Variants in TRHDE observed in about 807,000 individuals in gnomAD.
TRHDE encodes the protein thyrotropin releasing hormone degrading enzyme.
Under a neutral mutation model 125.7 loss-of-function variants are expected in TRHDE, and 72 were observed. The observed-to-expected ratio is 0.57, with a 90% CI of 0.47 to 0.70. The LOEUF (loss-of-function observed/expected upper bound fraction) is 0.70. Ranked by LOEUF, TRHDE falls within the 30% of genes least tolerant of loss-of-function variation. The pLI is 0.00. For missense variants in TRHDE, 1,110 were observed against 1,327.1 expected (o/e 0.84, Z 2.54); for synonymous variants, 509 against 509.1 (o/e 1.00, Z 0.00).
intron 12 of TRHDE, among the ~76,000 whole-genome samples, chr12:72,591,105 G>A (rs1391631508): frequency 3.3e-5 from 5 of 152,138 alleles, no homozygotes; most frequent in Admixed American, 6.5e-5. Flanking sequence ...CAGGGAAGCT[G>A]CTCTTTTTAA....
chr12:72,655,932 C>T (rs1229330939), intron 17 of TRHDE, among the ~76,000 whole-genome samples: 1 of 152,078 alleles, frequency 6.6e-6, no homozygotes, highest in Non-Finnish European at 1.5e-5. Context: ...TCAACCTTCT[C>T]ATTTTATAGA....
chr12:72,538,511 T>C (rs1400115138), intron 6 of TRHDE, among the ~76,000 whole-genome samples: 6 of 151,984 alleles, frequency 3.9e-5, no homozygotes, highest in Non-Finnish European at 5.9e-5. Context: ...CTGTTTTCTA[T>C]TTTTCTTACT....
chr12:72,345,830 C>T (rs919596375), intron 2 of TRHDE, among the ~76,000 whole-genome samples: 1 of 151,878 alleles, frequency 6.6e-6, no homozygotes, highest in African/African-American at 2.4e-5. Context: ...GACCCTGTTT[C>T]CTCACAGAAA....
intron 1 of TRHDE, among the ~76,000 whole-genome samples, chr12:72,285,155 A>G (rs1489593534): frequency 6.6e-6 from 1 of 152,210 alleles, no homozygotes; most frequent in East Asian, 1.9e-4. Context: ...TTTATACCTC[A>G]TGCTTTGAGC....
chr12:72,660,569 C>G (rs1874877404), intron 18 of TRHDE, among the ~76,000 whole-genome samples: 1 of 152,162 alleles, frequency 6.6e-6, no homozygotes, highest in Non-Finnish European at 1.5e-5. Flanking sequence ...AATGTCCCTT[C>G]AGCACCTGAC....
intron 3 of TRHDE, among the ~76,000 whole-genome samples, chr12:72,415,619 CAT>C (rs776609186): frequency 4.0e-5 from 6 of 151,486 alleles, no homozygotes; most frequent in Non-Finnish European, 8.8e-5. Flanking sequence ...TTGGCTCCCA[CAT>C]ATGAGTGAGA....
chr12:72,449,912 C>A (rs990731019), intron 3 of TRHDE, among the ~76,000 whole-genome samples: 1 of 151,920 alleles, frequency 6.6e-6, no homozygotes, highest in African/African-American at 2.4e-5. Context: ...TTTTCTCCTT[C>A]TAGTTTCCTG....
chr12:72,662,975 G>A (rs1484797340), intron 18 of TRHDE, 77 bp from the exon 19 acceptor site: 13 of 1,423,122 alleles, frequency 9.1e-6, no homozygotes, highest in Non-Finnish European at 1.2e-5. Context: ...GTTTCAAATA[G>A]ATTCTTGTTC....
intron 12 of TRHDE, among the ~76,000 whole-genome samples, chr12:72,576,969 A>G (rs1450857645): frequency 6.6e-6 from 1 of 152,160 alleles, no homozygotes; most frequent in Non-Finnish European, 1.5e-5. Context: ...AAAAATTTAG[A>G]AATAATAGAG....
intron 7 of TRHDE, among the ~76,000 whole-genome samples, chr12:72,548,462 T>C (rs1007793907): frequency 6.6e-6 from 1 of 151,808 alleles, no homozygotes; most frequent in Non-Finnish European, 1.5e-5. Flanking sequence ...AAAATATTCA[T>C]TTGATCAATA....
intron 1 of TRHDE, among the ~76,000 whole-genome samples, chr12:72,099,631 T>A (rs1005969140): frequency 5.9e-5 from 9 of 152,206 alleles, no homozygotes; most frequent in Admixed American, 5.9e-4. Flanking sequence ...TTTTTAGTGA[T>A]AATTGGCAAA....
intron 3 of TRHDE, among the ~76,000 whole-genome samples, chr12:72,413,366 T>C (rs1386744789): frequency 6.6e-6 from 1 of 151,932 alleles, no homozygotes; most frequent in East Asian, 1.9e-4. Context: ...TATTGAGCAC[T>C]TGAAATGTGG....
intron 12 of TRHDE, chr12:72,582,151 C>G (rs139061974): frequency 8.2e-4 from 375 of 457,198 alleles, no homozygotes; most frequent in Non-Finnish European, 9.6e-4. Context: ...AGAGAGCAGT[C>G]ATCAGTAGTG....
chr12:72,193,985 G>A (rs1007343738), intron 2 of TRHDE, among the ~76,000 whole-genome samples: 2 of 152,008 alleles, frequency 1.3e-5, no homozygotes, highest in African/African-American at 4.8e-5. Context: ...AGGGAGATAA[G>A]AGTAATTAAA....
chr12:72,115,987 G>T (rs1321133969), intron 2 of TRHDE, among the ~76,000 whole-genome samples: 2 of 151,944 alleles, frequency 1.3e-5, no homozygotes, highest in African/African-American at 2.4e-5. Context: ...TTAGGTATTT[G>T]TCCTAATGCA....
At chr12:72,237,642 C>T (rs1003795157) in intron 2 of TRHDE, among the ~76,000 whole-genome samples, 1 of 152,182 alleles carries the variant, frequency 6.6e-6, no homozygotes, top group African/African-American at 2.4e-5. Flanking sequence ...TGTGTGCACT[C>T]TCTCTCCCGC....
chr12:72,455,994 T>C (rs1040505946), intron 3 of TRHDE, among the ~76,000 whole-genome samples: 2 of 151,800 alleles, frequency 1.3e-5, no homozygotes, highest in African/African-American at 4.8e-5. Context: ...TTCCTATACA[T>C]ATATGTGTAT....
chr12:72,166,907 CGTGT>C (rs59590935), intron 2 of TRHDE, among the ~76,000 whole-genome samples: 40,322 of 139,072 alleles, frequency 0.29, 6,490 homozygotes, highest in Non-Finnish European at 0.39. Flanking sequence ...GGTAGATGAA[CGTGT>C]GTGTGTGTGT....
intron 12 of TRHDE, among the ~76,000 whole-genome samples, chr12:72,579,877 T>G (rs1478305784): frequency 6.6e-6 from 1 of 152,186 alleles, no homozygotes; most frequent in African/African-American, 2.4e-5. Flanking sequence ...ATCTTTATCC[T>G]AATGCAAATG....
Sources: gnomAD v4.1 joint callset for allele counts (sites outside exome capture counted in the v4.1 genomes callset) on GRCh38, gnomAD v4.1.1 for gene constraint, MANE v1.5 for transcripts, NCBI Gene and HGNC (gene_info 2026-07-23, HGNC 2026-07-21) for gene names.